CLSTN1: variants seen among roughly 807,000 people sequenced by gnomAD.
CLSTN1 encodes the protein calsyntenin 1.
CLSTN1 carries 28 observed loss-of-function variants against 108.3 expected under a neutral mutation model. The ratio of observed to expected loss-of-function variants is 0.26; its 90% CI spans 0.19 to 0.35. CLSTN1 has a LOEUF of 0.35. Among genes scored for constraint, CLSTN1 ranks in the 10% least tolerant of loss-of-function variants. The pLI, the probability that CLSTN1 is intolerant of heterozygous loss-of-function variation, is 1.00. For missense variants in CLSTN1, 1,157 were observed against 1,302.6 expected, an observed-to-expected ratio of 0.89 and a Z score of 1.72; for synonymous variants, 524 against 534.9, an observed-to-expected ratio of 0.98 and a Z score of 0.28.
intron 15 of CLSTN1, among the ~76,000 whole-genome samples, 185 bp downstream of exon 15, chr1:9,733,787 T>A (rs72871223): frequency 0.018 from 2,780 of 152,224 alleles, 79 homozygotes; most frequent in African/African-American, 0.063. Flanking sequence ...TGGCTACACA[T>A]CCGGTACCTG....
chr1:9,809,863 C>T (rs2788605), intron 1 of CLSTN1, among the ~76,000 whole-genome samples: 125,297 of 149,946 alleles, frequency 0.84, 53,757 homozygotes, highest in East Asian at 0.95. Flanking sequence ...ATCACACCAC[C>T]GCACTCTAGC....
chr1:9,733,046 A>C (rs1650492768), intron 16 of CLSTN1, among the ~76,000 whole-genome samples: 1 of 152,044 alleles, frequency 6.6e-6, no homozygotes, highest in Non-Finnish European at 1.5e-5. Context: ...AAATAAATAA[A>C]ACCACATCCT....
At position 9,755,181 on chromosome 1, in the gene CLSTN1, A is replaced by AATAGTCTTTCTGCAGCTC; in HGVS notation, c.355_372dup (p.Glu119_Tyr124dup). On this transcript the variant is annotated inframe_insertion, in exon 4 of 19. Transcript: ENST00000377298. ...CAATCATAGGCCTGGATGGTGAATGAATAGTCTTTCTGCAGCTCACAGTCC... is the reference window on the plus strand; with the variant it reads ...CAATCATAGGCCTGGATGGTGAATGAATAGTCTTTCTGCAGCTCATAGTCTTTCTGCAGCTCACAGTCC... The AATAGTCTTTCTGCAGCTC allele has an allele frequency of 6.2e-7, 1 of 1,614,166 alleles. No homozygotes were observed.
chr1:9,756,111 A>C (rs539526827), intron 3 of CLSTN1, among the ~76,000 whole-genome samples: 6 of 152,236 alleles, frequency 3.9e-5, no homozygotes, highest in Non-Finnish European at 8.8e-5. Flanking sequence ...CCATGGGAGA[A>C]CAGTATAAAT....
rs1234718584 is a variant in CLSTN1 at position 9,731,274 on chromosome 1, C to T, written c.2680G>A (p.Asp894Asn). ...AAHRRTMRDQ[D>N]TGKENEMDWD... Reference sequence around the variant, plus strand: ...TCCATCTCGTTCTCCTTCCCGGTGTCCTGATCCCGCATGGTCCGCCGATGT... The same window carrying T: ...TCCATCTCGTTCTCCTTCCCGGTGTTCTGATCCCGCATGGTCCGCCGATGT... Residue 894 changes from aspartate to asparagine, a missense_variant, in exon 18 of 19, where the codon GAC (aspartate) becomes AAC (asparagine). Coordinates refer to ENST00000377298, the MANE Select transcript of CLSTN1 (RefSeq NM_001009566.3). The T allele has an allele frequency of 2.5e-6, 4 of 1,614,132 alleles. No individual in the cohort carries two copies. The highest frequency in any genetic ancestry group is 3.4e-6 in the Non-Finnish European group (4 of 1,180,052).
chr1:9,803,554 GC>G (rs1441477792), intron 1 of CLSTN1, among the ~76,000 whole-genome samples: 1 of 152,196 alleles, frequency 6.6e-6, no homozygotes, highest in Non-Finnish European at 1.5e-5. Flanking sequence ...TGCAATCCCA[GC>G]ACTTTGGGAG....
intron 1 of CLSTN1, among the ~76,000 whole-genome samples, chr1:9,779,793 G>A (rs1452656983): frequency 2.0e-5 from 3 of 152,012 alleles, no homozygotes; most frequent in Admixed American, 6.6e-5. Context: ...ACAGATGTAA[G>A]ATAGGCCATT....
At chr1:9,744,051 A>C (rs1243965555) in intron 8 of CLSTN1, 46 bp from the exon 9 acceptor site, 1 of 1,600,972 alleles carries the variant, frequency 6.2e-7, no homozygotes, top group South Asian at 1.1e-5. Context: ...AAAGATCCAA[A>C]GGAGAAATTA....
Position 9,731,899 on chromosome 1 carries a change from A to G in CLSTN1, c.2428-3T>C, listed in dbSNP as rs369473890. On this transcript the variant is annotated splice_polypyrimidine_tract_variant and splice_region_variant and intron_variant, in intron 16 of 18. Coordinates refer to ENST00000377298, the MANE Select transcript of CLSTN1 (RefSeq NM_001009566.3). ...TTGGCCGTGTGGATTACATTCACCT[A>G]TAGCAGAGAAAGAGAGGATCGCTGG... is the stretch of plus-strand genomic sequence containing the variant. 17 of 1,614,060 alleles carry G rather than the reference A, an allele frequency of 1.1e-5. No homozygotes were observed. The highest frequency in any genetic ancestry group is 1.4e-5 in the Non-Finnish European group (16 of 1,180,034).
rs748619845 is a variant in CLSTN1, at chr1:9,733,576, G to A, written c.2282-30C>T. 29 of 1,612,350 alleles carry A rather than the reference G, an allele frequency of 1.8e-5. No individual in the cohort carries two copies. The African/African-American group carries it at 1.9e-4, about 10-fold the overall frequency. ...AGGGGTTGAAAGGGGGAAGATTGCC[G>A]GGTGGCTTAGGGCAGGAGCATGGGC... On this transcript the variant is annotated intron_variant, in intron 15 of 18. Transcript: ENST00000377298.
At chr1:9,779,972 C>A (rs1170997257) in intron 1 of CLSTN1, among the ~76,000 whole-genome samples, 1 of 152,070 alleles carries the variant, frequency 6.6e-6, no homozygotes, top group Non-Finnish European at 1.5e-5. Context: ...CCTGCCTCAG[C>A]CTCCTGAGTA....
rs750637063 is a variant in CLSTN1 at position 9,733,554 on chromosome 1, G to A, written c.2282-8C>T. 5.0e-6 allele frequency: 8 copies of A among 1,613,492 alleles called. No homozygotes were observed. The highest frequency in any genetic ancestry group is 5.9e-6 in the Non-Finnish European group (7 of 1,179,878). On this transcript the variant is annotated splice_region_variant and splice_polypyrimidine_tract_variant and intron_variant, in intron 15 of 18. Transcript: ENST00000377298. ...TGGCCATGGTGTCCACGCCTGCAGG[G>A]GTTGAAAGGGGGAAGATTGCCGGGT...
At chr1:9,805,094 T>C (rs1654450047) in intron 1 of CLSTN1, among the ~76,000 whole-genome samples, 1 of 151,964 alleles carries the variant, frequency 6.6e-6, no homozygotes, top group African/African-American at 2.4e-5. Context: ...TACTCCAGCC[T>C]GGGAGACAGA....
chr1:9,819,768 TA>T, intron 1 of CLSTN1, among the ~76,000 whole-genome samples: 1 of 152,324 alleles, frequency 6.6e-6, no homozygotes, highest in Non-Finnish European at 1.5e-5. Context: ...CTTTGAGAAA[TA>T]AATGTTATTT....
In CLSTN1 at chr1:9,822,195, A is replaced by G. The variant is rs144456562; in HGVS notation, c.91+1448T>C. 2.6e-4 allele frequency among the ~76,000 whole-genome samples: 40 copies of G among 152,346 alleles called. 2 individuals carry two copies. The East Asian group carries it at 5.0e-3, about 19-fold the overall frequency. The stretch of plus-strand genomic sequence containing the variant: ...GATATATTAGAGTTTCAGACCTCCA[A>G]CCCACATCTGGAAAGAACATTTCAA... On this transcript the variant is annotated intron_variant, in intron 1 of 18. Transcript: ENST00000377298.
intron 2 of CLSTN1, among the ~76,000 whole-genome samples, chr1:9,763,706 T>C (rs912824350): frequency 6.6e-6 from 1 of 152,200 alleles, no homozygotes; most frequent in Non-Finnish European, 1.5e-5. Flanking sequence ...GGAAACCATG[T>C]GGACTCAAGT....
Position 9,798,356 on chromosome 1 carries a change from G to A in CLSTN1, c.92-24962C>T, listed in dbSNP as rs77534325. On this transcript the variant is annotated intron_variant, in intron 1 of 18. Transcript: ENST00000377298. ...CTAAAACCTGCATCAACAGATGAAC[G>A]GACAGACGAAATGCAGTCTATCCAA... is the stretch of plus-strand genomic sequence containing the variant. 3.6e-3 allele frequency among the ~76,000 whole-genome samples: 554 copies of A among 152,154 alleles called. 5 individuals are homozygous for A. The highest frequency in any genetic ancestry group is 0.013 in the African/African-American group (521 of 41,506).
intron 1 of CLSTN1, among the ~76,000 whole-genome samples, chr1:9,783,785 G>A (rs1183232813): frequency 6.6e-6 from 1 of 152,174 alleles, no homozygotes; most frequent in Non-Finnish European, 1.5e-5. Context: ...CTGAGGTCAG[G>A]AGTTCGAGAC....
At chr1:9,743,121 A>G (rs1052921278) in intron 9 of CLSTN1, among the ~76,000 whole-genome samples, 16 of 152,212 alleles carry the variant, frequency 1.1e-4, no homozygotes, top group Admixed American at 2.6e-4. Context: ...TGATAAGGCC[A>G]AAGGTTTCCT....
Sources: allele counts gnomAD v4.1 joint callset (sites outside exome capture counted in the v4.1 genomes callset), GRCh38; gene constraint gnomAD v4.1.1; transcripts MANE v1.5; gene names NCBI Gene and HGNC (gene_info 2026-07-23, HGNC 2026-07-21).